EAF2: variants seen among roughly 807,000 people sequenced by gnomAD.
EAF2 encodes ELL-associated factor 2.
In EAF2, 29 loss-of-function variants were observed where a neutral mutation model predicts 29.4. The ratio of observed to expected loss-of-function variants is 0.99; its 90% confidence interval spans 0.73 to 1.35. The LOEUF is 1.35. Among genes scored for constraint, EAF2 ranks in the 40% most tolerant of loss-of-function variants. The pLI is 0.00. For missense variants in EAF2, 292 were observed against 312.0 expected (o/e 0.94, Z 0.48); for synonymous variants, 103 against 102.5 (o/e 1.00, Z -0.03).
chr3:121,866,934 G>GA (rs1708937642), intron 4 of EAF2, among the ~76,000 whole-genome samples: 1 of 151,956 alleles, frequency 6.6e-6, no homozygotes, highest in African/African-American at 2.4e-5. Flanking sequence ...TGAAACAAAT[G>GA]AAAAACAAAA....
chr3:121,885,066 TA>T (rs2107553845), intron 5 of EAF2, among the ~76,000 whole-genome samples: 1 of 152,320 alleles, frequency 6.6e-6, no homozygotes, highest in African/African-American at 2.4e-5. Flanking sequence ...ATTTACTAGG[TA>T]TCTCAAATTT....
At position 121,886,385 on chromosome 3, in the gene EAF2, C is replaced by A; in HGVS notation, c.780C>A (p.Asp260Glu). The A allele has an allele frequency of 6.8e-7, 1 of 1,461,172 alleles. No individual in the cohort carries two copies. Among genetic ancestry groups the A allele is most frequent in the Non-Finnish European group, 9.1e-7 (1 of 1,098,512 alleles). 90.5% of individuals were successfully genotyped at this position (1,461,172 alleles called of 1,614,324 possible). A position where few individuals can be genotyped will look rare whatever the true frequency, so the allele number is the denominator to read the frequency against. Residue 260 changes from aspartate to glutamate, a missense_variant, in exon 6 of 6, where the codon GAC becomes GAA. By Grantham distance (45) the Asp-to-Glu change is conservative. Coordinates refer to ENST00000273668, the MANE Select transcript of EAF2 (RefSeq NM_018456.6). Reference protein sequence around the residue: ...QLSESGSDSDD With the variant: ...QLSESGSDSDE The stretch of plus-strand genomic sequence containing the variant: ...GTGAATCAGGAAGTGACAGTGATGA[C>A]TGAAGAAATATTTAGCTATAAATAA...
At chr3:121,870,606 G>C (rs1449760597) in intron 4 of EAF2, among the ~76,000 whole-genome samples, 1 of 152,116 alleles carries the variant, frequency 6.6e-6, no homozygotes, top group Non-Finnish European at 1.5e-5. Context: ...GAAAAGCCTA[G>C]CTACAGACTT....
At chr3:121,850,863 C>G (rs1467569629) in intron 2 of EAF2, among the ~76,000 whole-genome samples, 3 of 151,860 alleles carry the variant, frequency 2.0e-5, no homozygotes, top group Non-Finnish European at 4.4e-5. Flanking sequence ...CCATGCCCAG[C>G]TAATTTTTTG....
chr3:121,871,523 G>T lies in EAF2; in HGVS notation c.485-1014G>T, dbSNP rs146250382. 7.1e-3 allele frequency among the ~76,000 whole-genome samples: 1,081 copies of T among 152,006 alleles called. 15 individuals carry two copies. The highest frequency in any genetic ancestry group is 0.025 in the African/African-American group (1,019 of 41,508). On this transcript the variant is annotated intron_variant, in intron 4 of 5. Transcript: ENST00000273668. ...TTATGTATTAAACAAACAAACAAAA[G>T]ATCTGGGTGAAGAATATACCAGGCA...
chr3:121,850,012 G>T, intron 2 of EAF2, among the ~76,000 whole-genome samples: 1 of 146,154 alleles, frequency 6.8e-6, no homozygotes. Flanking sequence ...CTTTTATTTA[G>T]CTGATATTTA....
chr3:121,852,695 ATTAACT>A (rs1315019366), intron 2 of EAF2, among the ~76,000 whole-genome samples: 2 of 152,184 alleles, frequency 1.3e-5, no homozygotes, highest in Non-Finnish European at 2.9e-5. Context: ...ATCTCTAATG[ATTAACT>A]TTAATATGAT....
intron 5 of EAF2, among the ~76,000 whole-genome samples, chr3:121,879,113 T>C (rs1348242847): frequency 6.6e-6 from 1 of 152,240 alleles, no homozygotes; most frequent in Middle Eastern, 3.2e-3. Context: ...ATTTCCCTAA[T>C]AGTGATGATG....
chr3:121,872,887 T>C, intron 5 of EAF2, 99 bp downstream of exon 5: 1 of 1,456,274 alleles, frequency 6.9e-7, no homozygotes, highest in South Asian at 1.3e-5. Context: ...AGATTCCTAT[T>C]TTATGCATTT....
At chr3:121,837,237 CTG>C (rs1708320040) in intron 1 of EAF2, among the ~76,000 whole-genome samples, 1 of 152,086 alleles carries the variant, frequency 6.6e-6, no homozygotes, top group African/African-American at 2.4e-5. Context: ...TTAAATAAAA[CTG>C]TTTATTATTC....
chr3:121,843,989 A>C (rs933115145), intron 1 of EAF2, among the ~76,000 whole-genome samples: 4 of 152,162 alleles, frequency 2.6e-5, no homozygotes, highest in Non-Finnish European at 5.9e-5. Flanking sequence ...GGTAGTAGGC[A>C]CCAAAGGTGC....
chr3:121,873,556 A>G (rs990650047), intron 5 of EAF2, among the ~76,000 whole-genome samples: 8 of 151,768 alleles, frequency 5.3e-5, no homozygotes, highest in African/African-American at 1.9e-4. Flanking sequence ...TTGATCCATT[A>G]TGTACACTGT....
intron 2 of EAF2, among the ~76,000 whole-genome samples, chr3:121,848,818 T>G (rs1708578031): frequency 6.6e-6 from 1 of 152,176 alleles, no homozygotes. Context: ...TTGCTTCTTG[T>G]GCTTTTCAGT....
intron 4 of EAF2, among the ~76,000 whole-genome samples, chr3:121,866,327 G>A (rs1196703520): frequency 1.3e-5 from 2 of 152,110 alleles, no homozygotes; most frequent in African/African-American, 4.8e-5. Context: ...GCAAGAATAT[G>A]CATGCTAAAC....
intron 4 of EAF2, among the ~76,000 whole-genome samples, chr3:121,859,601 T>A (rs925085215): frequency 6.6e-6 from 1 of 152,190 alleles, no homozygotes; most frequent in South Asian, 2.1e-4. Flanking sequence ...AAATATACAA[T>A]CATGTCATCT....
intron 2 of EAF2, among the ~76,000 whole-genome samples, chr3:121,846,671 C>T (rs1212366233): frequency 6.6e-6 from 1 of 151,880 alleles, no homozygotes; most frequent in Admixed American, 6.6e-5. Flanking sequence ...TCAGGCTATA[C>T]AGTATTATTG....
intron 5 of EAF2, among the ~76,000 whole-genome samples, chr3:121,882,787 GT>G (rs55645396): frequency 5.5e-4 from 80 of 146,084 alleles, no homozygotes; most frequent in African/African-American, 1.7e-3. Context: ...GGAGGTGGTG[GT>G]TTTTTTTTTT....
intron 2 of EAF2, among the ~76,000 whole-genome samples, chr3:121,848,639 A>C (rs976134467): frequency 6.6e-6 from 1 of 152,058 alleles, no homozygotes; most frequent in African/African-American, 2.4e-5. Flanking sequence ...CAAAATACTC[A>C]TATAGCTTTG....
chr3:121,835,776 G>A (rs1270569071), intron 1 of EAF2, among the ~76,000 whole-genome samples: 1 of 152,158 alleles, frequency 6.6e-6, no homozygotes, highest in East Asian at 1.9e-4. Flanking sequence ...ATGCCTTGAG[G>A]CTGGTGGGGC....
Sources: gnomAD v4.1 joint callset for allele counts (sites outside exome capture counted in the v4.1 genomes callset) on GRCh38, gnomAD v4.1.1 for gene constraint, MANE v1.5 for transcripts, NCBI Gene and HGNC (gene_info 2026-07-23, HGNC 2026-07-21) for gene names.